The following CELF1 variants were observed in gnomAD, a reference collection of about 807,000 sequenced individuals.
The protein encoded by CELF1 is 50 kDa nuclear polyadenylated RNA-binding protein.
A neutral mutation model predicts 61.8 loss-of-function variants in CELF1; 10 were observed. The ratio of observed to expected loss-of-function variants is 0.16; its 90% CI spans 0.10 to 0.27. CELF1 has a LOEUF of 0.27. Ranked by LOEUF, CELF1 falls within the 10% of genes least tolerant of loss-of-function variation. The probability of loss-of-function intolerance (pLI) is 1.00; values close to 1 mark genes in which losing one functional copy is unlikely to be tolerated. For synonymous variants in CELF1, 236 were observed against 225.1 expected (o/e 1.05, Z -0.43); for missense variants, 380 against 639.1 (o/e 0.59, Z 4.37).
Position 47,473,099 on chromosome 11 carries a change from C to T in CELF1, c.1406G>A (p.Ser469Asn). 1 of 1,614,030 alleles carries T rather than the reference C, an allele frequency of 6.2e-7. No homozygotes were observed. Among genetic ancestry groups the T allele is most frequent in the Non-Finnish European group, 8.5e-7 (1 of 1,179,968 alleles). The change falls in exon 14 of 15, where the codon AGC becomes AAC. Residue 469 changes from serine (S) to asparagine (N), a missense_variant. Coordinates refer to ENST00000687097, the MANE Select transcript of CELF1 (RefSeq NM_001376376.1). Reference protein sequence around the residue: ...KVFIDKQTNLSKCFGFVSYDN... With the variant: ...KVFIDKQTNLNKCFGFVSYDN... Reference sequence around the variant, plus strand: ...AGAAGCCAACATACCAAAACACTTGCTCAGGTTTGTCTGCTTGTCTATGAA... The same window carrying T: ...AGAAGCCAACATACCAAAACACTTGTTCAGGTTTGTCTGCTTGTCTATGAA...
At chr11:47,514,095 A>C (rs2095415244) in intron 1 of CELF1, 1 of 151,754 alleles carries the variant, frequency 6.6e-6, no homozygotes, top group Non-Finnish European at 1.5e-5. Context: ...CACCCAGCTA[A>C]TTTTTGTATT....
intron 1 of CELF1, among the ~76,000 whole-genome samples, chr11:47,525,564 G>A (rs1271806143): frequency 2.6e-5 from 4 of 152,116 alleles, no homozygotes; most frequent in African/African-American, 9.7e-5. Flanking sequence ...CACTCACTTC[G>A]GCTTGCCAAA....
At chr11:47,493,351 A>AAAT in intron 3 of CELF1, among the ~76,000 whole-genome samples, 1 of 149,636 alleles carries the variant, frequency 6.7e-6, no homozygotes, top group East Asian at 2.0e-4. Context: ...AAAAAAAAAA[A>AAAT]AAAAAAATTA....
chr11:47,512,494 G>A (rs1190944015), intron 1 of CELF1, among the ~76,000 whole-genome samples: 2 of 134,172 alleles, frequency 1.5e-5, no homozygotes, highest in African/African-American at 5.6e-5. Context: ...GGATCACTCT[G>A]CCCAGCTAAT....
intron 1 of CELF1, among the ~76,000 whole-genome samples, chr11:47,545,836 CTCTCA>C (rs1428990346): frequency 6.7e-6 from 1 of 149,916 alleles, no homozygotes; most frequent in Non-Finnish European, 1.5e-5. Flanking sequence ...CAGCCCCTCT[CTCTCA>C]TATGTATACG....
At chr11:47,519,342 G>C (rs1209529593) in intron 1 of CELF1, among the ~76,000 whole-genome samples, 1 of 152,146 alleles carries the variant, frequency 6.6e-6, no homozygotes, top group East Asian at 1.9e-4. Flanking sequence ...TTAGCCCGGC[G>C]TGGAGGCGGG....
intron 1 of CELF1, among the ~76,000 whole-genome samples, chr11:47,549,381 A>G (rs2097073738): frequency 6.6e-6 from 1 of 152,228 alleles, no homozygotes; most frequent in Non-Finnish European, 1.5e-5. Context: ...ACCTAGTCAC[A>G]TTAGCACTAT....
intron 1 of CELF1, among the ~76,000 whole-genome samples, chr11:47,536,626 G>A (rs569430839): frequency 2.0e-5 from 3 of 152,216 alleles, no homozygotes; most frequent in South Asian, 4.1e-4. Flanking sequence ...TTACCTGGGC[G>A]TGGTGGTGCA....
intron 1 of CELF1, among the ~76,000 whole-genome samples, chr11:47,511,857 CT>C (rs71042676): frequency 2.0e-5 from 3 of 151,448 alleles, no homozygotes; most frequent in South Asian, 2.1e-4. Context: ...TTGAGTCTGA[CT>C]TTTTTTTTGA....
At position 47,496,346 on chromosome 11, in the gene CELF1, C is replaced by G. The variant is rs1397282756; in HGVS notation, c.71+3107G>C. Among the ~76,000 whole-genome samples, 3 of 152,138 alleles carry G rather than the reference C, an allele frequency of 2.0e-5. No individual in the cohort carries two copies. The East Asian group carries it at 5.8e-4, about 29-fold the overall frequency. On this transcript the variant is annotated intron_variant, in intron 3 of 14. Coordinates refer to ENST00000687097, the MANE Select transcript of CELF1 (RefSeq NM_001376376.1). ...CTTCCCTGAGGTATGGAGATAAGAT[C>G]TGGAGATCTTATCTCTGCAATCATC...
intron 1 of CELF1, among the ~76,000 whole-genome samples, chr11:47,538,517 C>G (rs1188797390): frequency 6.6e-6 from 1 of 151,970 alleles, no homozygotes; most frequent in Non-Finnish European, 1.5e-5. Flanking sequence ...GTGGTGGGCA[C>G]CTGTACTCCC....
chr11:47,551,536 T>C (rs1243719066), intron 1 of CELF1, among the ~76,000 whole-genome samples: 2 of 152,230 alleles, frequency 1.3e-5, no homozygotes, highest in African/African-American at 4.8e-5. Context: ...AAGTGGACTC[T>C]TTAATGCTAA....
intron 9 of CELF1, 84 bp from the exon 10 acceptor site, chr11:47,479,036 G>T (rs973803158): frequency 1.2e-5 from 13 of 1,047,734 alleles, no homozygotes; most frequent in Admixed American, 4.0e-5. Flanking sequence ...ACAGCAAAGC[G>T]AGAGTGCAGA....
intron 1 of CELF1, among the ~76,000 whole-genome samples, chr11:47,524,155 T>C (rs2096108346): frequency 6.6e-6 from 1 of 152,120 alleles, no homozygotes; most frequent in African/African-American, 2.4e-5. Context: ...ACTGCACTCT[T>C]TCAAGATGTG....
chr11:47,547,578 G>T (rs2096998435), intron 1 of CELF1, among the ~76,000 whole-genome samples: 1 of 151,228 alleles, frequency 6.6e-6, no homozygotes, highest in Admixed American at 6.6e-5. Flanking sequence ...TCAGGAGGCT[G>T]AGGCAGCTTG....
intron 1 of CELF1, among the ~76,000 whole-genome samples, chr11:47,512,493 T>C (rs2095274654): frequency 6.8e-6 from 1 of 146,326 alleles, no homozygotes; most frequent in Non-Finnish European, 1.5e-5. Context: ...GGGATCACTC[T>C]GCCCAGCTAA....
At chr11:47,495,534 A>G (rs2092923000) in intron 3 of CELF1, among the ~76,000 whole-genome samples, 1 of 152,232 alleles carries the variant, frequency 6.6e-6, no homozygotes, top group Admixed American at 6.5e-5. Flanking sequence ...CTCACTTTAA[A>G]GGGTAAACTT....
chr11:47,528,617 T>C (rs1192842999), intron 1 of CELF1, among the ~76,000 whole-genome samples: 3 of 151,756 alleles, frequency 2.0e-5, no homozygotes, highest in African/African-American at 7.3e-5. Context: ...ATCCTGTCTC[T>C]TAAAAAAATA....
intron 2 of CELF1, among the ~76,000 whole-genome samples, chr11:47,563,652 A>G (rs2097233841): frequency 6.6e-6 from 1 of 151,688 alleles, no homozygotes; most frequent in African/African-American, 2.4e-5. Context: ...TGGCGCCACT[A>G]CACTTCAGCC....
Sources: gnomAD v4.1 joint callset for allele counts (sites outside exome capture counted in the v4.1 genomes callset) on GRCh38, gnomAD v4.1.1 for gene constraint, MANE v1.5 for transcripts, NCBI Gene and HGNC (gene_info 2026-07-23, HGNC 2026-07-21) for gene names.